Variants in OCA2 observed in about 807,000 individuals in gnomAD.
The protein encoded by OCA2 is OCA2 melanosomal transmembrane protein, also known as P protein.
A neutral mutation model predicts 100.2 loss-of-function variants in OCA2; 77 were observed. That is an observed-to-expected ratio of 0.77 (90% CI 0.64 to 0.93). The LOEUF is 0.93. Ranked by LOEUF, OCA2 falls within the 40% of genes least tolerant of loss-of-function variation. OCA2 has a pLI of 0.00. For missense variants in OCA2, 1,062 were observed against 1,089.1 expected (o/e 0.98, Z 0.35); for synonymous variants, 432 against 439.2 (o/e 0.98, Z 0.21).
intron 23 of OCA2, among the ~76,000 whole-genome samples, chr15:27,807,457 A>G (rs1348161327): frequency 6.6e-6 from 1 of 152,150 alleles, no homozygotes; most frequent in Non-Finnish European, 1.5e-5. Context: ...GAGCTAAGCC[A>G]AGACAGGCAC....
chr15:28,038,841 T>C (rs780863350), intron 2 of OCA2, among the ~76,000 whole-genome samples: 2 of 152,168 alleles, frequency 1.3e-5, no homozygotes, highest in Non-Finnish European at 2.9e-5. Flanking sequence ...GTAAATGGAC[T>C]AAGCTCTCCA....
intron 19 of OCA2, among the ~76,000 whole-genome samples, chr15:27,916,516 T>C (rs575858197): frequency 6.6e-6 from 1 of 152,292 alleles, no homozygotes; most frequent in South Asian, 2.1e-4. Context: ...CAAATCCCTA[T>C]AAAACAAAAG....
chr15:27,983,181 G>A (rs2041223528), intron 14 of OCA2, among the ~76,000 whole-genome samples, 164 bp downstream of exon 14: 1 of 152,216 alleles, frequency 6.6e-6, no homozygotes, highest in Admixed American at 6.5e-5. Flanking sequence ...TAGGATTGAA[G>A]GACCAGTCAC....
chr15:27,808,487 G>C (rs767839904), intron 23 of OCA2, among the ~76,000 whole-genome samples: 7 of 152,202 alleles, frequency 4.6e-5, no homozygotes, highest in Non-Finnish European at 1.0e-4. Flanking sequence ...AAGATGGAAT[G>C]GGCTTTCATA....
chr15:27,871,349 G>A (rs1231616399), intron 20 of OCA2, 91 bp from the exon 21 acceptor site: 2 of 919,216 alleles, frequency 2.2e-6, no homozygotes, highest in African/African-American at 1.6e-5. Flanking sequence ...GCCCGAGGGT[G>A]TTAGTCCTTC....
chr15:27,996,958 C>A (rs1473363954), intron 9 of OCA2, among the ~76,000 whole-genome samples: 2 of 148,926 alleles, frequency 1.3e-5, no homozygotes, highest in Non-Finnish European at 3.0e-5. Context: ...CTGGTGTTAC[C>A]CTTCATACCA....
Position 27,966,775 on chromosome 15 carries a change from G to A in OCA2, c.1551C>T (p.Cys517=), listed in dbSNP as rs1800411. ...GFTAHMFIGI[C]LVLLVCFPLL... ...GCGGAAAGCAGACCAGGAGAACAAG[G>A]CAAATCCCAATGAACATGTGTGCAG... The change falls in exon 15 of 24, where the codon TGC becomes TGT. Residue 517 remains cysteine (C), a synonymous_variant. Coordinates refer to ENST00000354638, the MANE Select transcript of OCA2 (RefSeq NM_000275.3). The A allele has an allele frequency of 0.64, 1,033,778 of 1,612,640 alleles. 352,262 individuals are homozygous for A. The highest frequency in any genetic ancestry group is 0.71 in the Non-Finnish European group (841,737 of 1,179,500).
chr15:27,973,323 A>G (rs1382034986), intron 14 of OCA2, among the ~76,000 whole-genome samples: 1 of 152,082 alleles, frequency 6.6e-6, no homozygotes, highest in Non-Finnish European at 1.5e-5. Context: ...CAAGTCTTAG[A>G]TTTAAGTCTT....
chr15:27,872,184 C>T (rs558675116), intron 19 of OCA2, among the ~76,000 whole-genome samples: 3 of 152,194 alleles, frequency 2.0e-5, no homozygotes, highest in East Asian at 1.9e-4. Context: ...AATTTAAATC[C>T]GAATGGAAGA....
At chr15:27,796,932 G>T (rs977452070) in intron 23 of OCA2, among the ~76,000 whole-genome samples, 3 of 152,162 alleles carry the variant, frequency 2.0e-5, no homozygotes, top group African/African-American at 7.2e-5. Flanking sequence ...AGGGTAGAGT[G>T]TTTTTGTCCA....
chr15:27,928,197 AC>A (rs2039115080), intron 18 of OCA2, among the ~76,000 whole-genome samples: 1 of 152,164 alleles, frequency 6.6e-6, no homozygotes, highest in Non-Finnish European at 1.5e-5. Context: ...AGCAAATGAA[AC>A]CCAAAATAAG....
intron 1 of OCA2, among the ~76,000 whole-genome samples, chr15:28,093,294 C>T (rs1410484912): frequency 2.6e-5 from 4 of 151,768 alleles, no homozygotes; most frequent in African/African-American, 4.8e-5. Context: ...TGGTGGCGGG[C>T]GCCTGTAATC....
intron 2 of OCA2, among the ~76,000 whole-genome samples, chr15:28,074,925 G>A (rs2044385003): frequency 6.6e-6 from 1 of 152,218 alleles, no homozygotes. Flanking sequence ...GCAATTTAAT[G>A]GACAAAGGAG....
At chr15:28,082,304 G>A (rs1423930281) in intron 1 of OCA2, among the ~76,000 whole-genome samples, 2 of 152,150 alleles carry the variant, frequency 1.3e-5, no homozygotes, top group Non-Finnish European at 2.9e-5. Context: ...CAACACGCTG[G>A]ACTCCCCTAC....
intron 19 of OCA2, among the ~76,000 whole-genome samples, chr15:27,880,610 C>A (rs2036975540): frequency 6.6e-6 from 1 of 152,100 alleles, no homozygotes; most frequent in Admixed American, 6.6e-5. Flanking sequence ...TTTTTATTCT[C>A]TTTGTAGCAA....
intron 23 of OCA2, among the ~76,000 whole-genome samples, chr15:27,782,405 C>T (rs1426312325): frequency 6.6e-6 from 1 of 152,164 alleles, no homozygotes; most frequent in Admixed American, 6.5e-5. Context: ...TGTTCTAATG[C>T]AAGATGAGGG....
At chr15:27,977,127 A>G (rs1293316089) in intron 14 of OCA2, among the ~76,000 whole-genome samples, 1 of 152,180 alleles carries the variant, frequency 6.6e-6, no homozygotes, top group Non-Finnish European at 1.5e-5. Context: ...TATTCTTGAT[A>G]TTAGTAACTT....
At chr15:27,722,764 T>C in the OCA2 span, among the ~76,000 whole-genome samples, 2,055 of 140,734 alleles carry the variant, frequency 0.015, 68 homozygotes, top group African/African-American at 0.055. Context: ...TTCCTTCCTT[T>C]CTTTCTTTTC....
At chr15:27,837,028 T>A (rs932537371) in intron 23 of OCA2, among the ~76,000 whole-genome samples, 4 of 152,326 alleles carry the variant, frequency 2.6e-5, no homozygotes, top group African/African-American at 9.6e-5. Context: ...TAAATCAGCA[T>A]TATCAATTAG....
Sources: gnomAD v4.1 joint callset for allele counts (sites outside exome capture counted in the v4.1 genomes callset) on GRCh38, gnomAD v4.1.1 for gene constraint, MANE v1.5 for transcripts, NCBI Gene and HGNC (gene_info 2026-07-23, HGNC 2026-07-21) for gene names.